CACNA1A: variants seen among roughly 807,000 people sequenced by gnomAD.
CACNA1A encodes calcium voltage-gated channel subunit alpha1 A.
A neutral mutation model predicts 262.4 loss-of-function variants in CACNA1A; 57 were observed. That is an observed-to-expected ratio of 0.22 (90% CI 0.18 to 0.27). CACNA1A has a LOEUF of 0.27. CACNA1A is among the 10% of genes least tolerant of loss of function. The pLI, the probability that CACNA1A is intolerant of heterozygous loss-of-function variation, is 1.00. For missense variants in CACNA1A, 2,526 were observed against 3,562.8 expected (o/e 0.71, Z 7.41); for synonymous variants, 1,431 against 1,419.3 (o/e 1.01, Z -0.18).
intron 3 of CACNA1A, among the ~76,000 whole-genome samples, chr19:13,424,065 C>T (rs1253620019): frequency 6.6e-6 from 1 of 152,080 alleles, no homozygotes; most frequent in South Asian, 2.1e-4. Context: ...ATCAAAACAG[C>T]TGGCCAGGCG....
At chr19:13,505,843 C>T in intron 1 of CACNA1A, 89 bp downstream of exon 1, 1 of 1,382,650 alleles carries the variant, frequency 7.2e-7, no homozygotes, top group Non-Finnish European at 1.0e-6. Flanking sequence ...CTCCCATCAA[C>T]CCCCGGGTCT....
At chr19:13,249,459 C>T (rs1436994770) in intron 30 of CACNA1A, among the ~76,000 whole-genome samples, 1 of 152,132 alleles carries the variant, frequency 6.6e-6, no homozygotes, top group Non-Finnish European at 1.5e-5. Flanking sequence ...GGGCTGAATC[C>T]ATCCTCTCAC....
At chr19:13,455,789 G>C (rs1161823668) in intron 1 of CACNA1A, among the ~76,000 whole-genome samples, 1 of 150,444 alleles carries the variant, frequency 6.6e-6, no homozygotes, top group African/African-American at 2.5e-5. Context: ...AGAATTGCTT[G>C]AGCCGAGGAG....
At chr19:13,423,928 A>G in intron 3 of CACNA1A, among the ~76,000 whole-genome samples, 1 of 152,064 alleles carries the variant, frequency 6.6e-6, no homozygotes, top group East Asian at 1.9e-4. Context: ...CTAAAACATC[A>G]CCCAAGGCAA....
chr19:13,357,562 T>A (rs1368968238), intron 6 of CACNA1A, among the ~76,000 whole-genome samples: 1 of 152,170 alleles, frequency 6.6e-6, no homozygotes, highest in Non-Finnish European at 1.5e-5. Flanking sequence ...TTGTGTTTGA[T>A]CCTGAATCCT....
At chr19:13,268,993 C>A (rs1401171272) in intron 24 of CACNA1A, among the ~76,000 whole-genome samples, 1 of 149,944 alleles carries the variant, frequency 6.7e-6, no homozygotes, top group East Asian at 2.0e-4. Flanking sequence ...GCCACCGCAC[C>A]CGGCTTTATT....
chr19:13,227,330 A>T, intron 37 of CACNA1A, 101 bp downstream of exon 37: 1 of 546,794 alleles, frequency 1.8e-6, no homozygotes, highest in Non-Finnish European at 3.4e-6. Flanking sequence ...TTGGAAAAAG[A>T]GAGTCGGCCG....
In CACNA1A at chr19:13,253,801, G is replaced by A. The variant is rs544497527; in HGVS notation, c.4756-700C>T. Among the ~76,000 whole-genome samples the A allele has an allele frequency of 1.1e-4, 17 of 151,878 alleles. No individual in the cohort carries two copies. The South Asian group carries it at 3.1e-3, about 28-fold the overall frequency. ...GTTACCCAGGCTGGAGTGCAGTGGT[G>A]TGATCTCAGCTCACTGCAACTTCCG... On this transcript the variant is annotated intron_variant, in intron 29 of 46. Coordinates refer to ENST00000360228, the MANE Select transcript of CACNA1A (RefSeq NM_001127222.2).
intron 24 of CACNA1A, among the ~76,000 whole-genome samples, chr19:13,268,543 C>T (rs962595386): frequency 2.6e-5 from 4 of 151,846 alleles, no homozygotes; most frequent in Non-Finnish European, 4.4e-5. Flanking sequence ...ACGCCATTCT[C>T]CTTCCTCAGC....
rs1568470104 is a variant in CACNA1A, at chr19:13,259,661, G to A, written c.4291C>T (p.Arg1431Ter). Reference protein sequence around the residue: ...LLYEKNEVKARDREWKKYEFH... With the variant: ...LLYEKNEVKA ...TCATACTTCTTCCACTCCCGGTCTC[G>A]CGCCTTCACCTCATTCTTCTCGTAG... is the stretch of plus-strand genomic sequence containing the variant. Residue 1431 changes from arginine (R) to a stop codon, truncating the protein, a stop_gained, in exon 27 of 47, where the codon CGA (arginine) becomes TGA (stop). Transcript: ENST00000360228. LOFTEE classifies it high-confidence loss of function. The A allele has an allele frequency of 6.2e-7, 1 of 1,610,860 alleles. No homozygotes were observed.
intron 12 of CACNA1A, among the ~76,000 whole-genome samples, chr19:13,310,651 T>C (rs577349877): frequency 6.6e-6 from 1 of 150,882 alleles, no homozygotes; most frequent in African/African-American, 2.4e-5. Context: ...ATGTGGCTGC[T>C]GTTGGTGGAC....
intron 31 of CACNA1A, among the ~76,000 whole-genome samples, chr19:13,243,437 G>A (rs2056135047): frequency 6.6e-6 from 1 of 152,186 alleles, no homozygotes; most frequent in Non-Finnish European, 1.5e-5. Flanking sequence ...CTTTTCTGTA[G>A]GGGGATCTGA....
At chr19:13,457,883 C>G (rs1451047869) in intron 1 of CACNA1A, among the ~76,000 whole-genome samples, 1 of 149,520 alleles carries the variant, frequency 6.7e-6, no homozygotes, top group Admixed American at 6.7e-5. Flanking sequence ...GAATGAAGTA[C>G]TGATACATGA....
chr19:13,412,223 TTTTA>T (rs934647461), intron 3 of CACNA1A, among the ~76,000 whole-genome samples: 1 of 151,474 alleles, frequency 6.6e-6, no homozygotes, highest in Non-Finnish European at 1.5e-5. Context: ...TTTTTAGATG[TTTTA>T]TTTGTTTTCT....
In CACNA1A at chr19:13,303,071, AAG is replaced by A. The variant is rs530032934; in HGVS notation, c.2172+473_2172+474del. The stretch of plus-strand genomic sequence containing the variant: ...GGAGGCTCCAGCGGGAAGCCAGAGG[AAG>A]AGAGAAGGTGGGGACATTTATTGGC... On this transcript the variant is annotated intron_variant, in intron 17 of 46. Transcript: ENST00000360228. Among the ~76,000 whole-genome samples the A allele has an allele frequency of 4.1e-4, 63 of 152,124 alleles. No homozygotes were observed. The East Asian group carries it at 0.011, about 28-fold the overall frequency.
chr19:13,252,223 T>C (rs1029198511), intron 30 of CACNA1A, among the ~76,000 whole-genome samples: 1 of 151,326 alleles, frequency 6.6e-6, no homozygotes, highest in Non-Finnish European at 1.5e-5. Flanking sequence ...TTACCATGCC[T>C]GGCTAATTAA....
intron 1 of CACNA1A, among the ~76,000 whole-genome samples, chr19:13,491,193 C>T (rs1205474381): frequency 1.3e-5 from 2 of 152,304 alleles, no homozygotes; most frequent in East Asian, 3.9e-4. Context: ...TCACCTGTCT[C>T]ATAAAGTTTC....
chr19:13,458,713 A>C (rs1429579373), intron 1 of CACNA1A, among the ~76,000 whole-genome samples: 5 of 152,144 alleles, frequency 3.3e-5, no homozygotes, highest in African/African-American at 1.2e-4. Flanking sequence ...TCTGCAGGGC[A>C]GGTGGGGAGG....
Position 13,310,641 on chromosome 19 carries a change from A to G in CACNA1A, c.1668+2028T>C, listed in dbSNP as rs559003484. 5.3e-5 allele frequency among the ~76,000 whole-genome samples: 8 copies of G among 150,618 alleles called. No individual in the cohort carries two copies. In the South Asian group the frequency reaches 1.7e-3, roughly 32 times the overall value. On this transcript the variant is annotated intron_variant, in intron 12 of 46. Transcript: ENST00000360228. Reference sequence around the variant, plus strand: ...GTGAGATTCATTCCTGTTGTTGGGCATGTGGCTGCTGTTGGTGGACTTTGA... The same window carrying G: ...GTGAGATTCATTCCTGTTGTTGGGCGTGTGGCTGCTGTTGGTGGACTTTGA...
Sources: allele counts gnomAD v4.1 joint callset (sites outside exome capture counted in the v4.1 genomes callset), GRCh38; gene constraint gnomAD v4.1.1; transcripts MANE v1.5; gene names NCBI Gene and HGNC (gene_info 2026-07-23, HGNC 2026-07-21).